DCAF8: variants seen among roughly 807,000 people sequenced by gnomAD.
DCAF8 encodes the protein DDB1 and CUL4 associated factor 8, also known as DDB1- and CUL4-associated factor 8.
A neutral mutation model predicts 68.0 loss-of-function variants in DCAF8; 20 were observed. That is an observed-to-expected ratio of 0.29 (90% CI 0.21 to 0.43). The LOEUF is 0.43. Among genes scored for constraint, DCAF8 ranks in the 20% least tolerant of loss-of-function variants. DCAF8 has a pLI of 1.00. For synonymous variants in DCAF8, 230 were observed against 276.9 expected (o/e 0.83, Z 1.68); for missense variants, 460 against 771.0 (o/e 0.60, Z 4.78).
At chr1:160,218,277 C>T in intron 13 of DCAF8, 47 bp downstream of exon 13, 2 of 1,510,814 alleles carry the variant, frequency 1.3e-6, no homozygotes, top group East Asian at 2.3e-5. Flanking sequence ...TTTTAGCCCT[C>T]TTAAAAGGGT....
rs1655675755 is a variant in DCAF8, at chr1:160,231,313, G to A, written c.1054C>T (p.Arg352Ter). 6.2e-7 allele frequency: 1 copy of A among 1,613,012 alleles called. No homozygotes were observed. Among genetic ancestry groups the A allele is most frequent in the African/African-American group, 1.3e-5 (1 of 74,890 alleles). Reference sequence around the variant, plus strand: ...CAAACTCACCTTACAAACTGATCTCGTCCACCCACTGCAAACTGGTGGGTA... The same window carrying A: ...CAAACTCACCTTACAAACTGATCTCATCCACCCACTGCAAACTGGTGGGTA... ...ANTHQFAVGGRDQFVRIYDQR... is the reference protein window; with the variant it reads ...ANTHQFAVGG The change falls in exon 7 of 14, where the codon CGA becomes TGA. Residue 352 changes from arginine to a stop codon, truncating the protein, a stop_gained. Coordinates refer to ENST00000368074, the MANE Select transcript of DCAF8 (RefSeq NM_015726.4). LOFTEE classifies it high-confidence loss of function.
intron 2 of DCAF8, among the ~76,000 whole-genome samples, chr1:160,247,869 C>T (rs935491950): frequency 2.6e-5 from 4 of 152,092 alleles, no homozygotes; most frequent in Non-Finnish European, 4.4e-5. Context: ...GAATCACAGA[C>T]CTAAATATAA....
At chr1:160,262,101 CA>C (rs2101783540) in intron 1 of DCAF8, 1 of 375,348 alleles carries the variant, frequency 2.7e-6, no homozygotes, top group Admixed American at 4.5e-5. Flanking sequence ...CTCTTGGGGG[CA>C]ACACCAGGGC....
At chr1:160,232,630 G>C (rs1292331978) in intron 6 of DCAF8, among the ~76,000 whole-genome samples, 1 of 149,024 alleles carries the variant, frequency 6.7e-6, no homozygotes, top group Non-Finnish European at 1.5e-5. Flanking sequence ...GGCAGAGGGA[G>C]ACTCTGTCTC....
intron 7 of DCAF8, among the ~76,000 whole-genome samples, chr1:160,226,702 C>T (rs920560625): frequency 6.6e-6 from 1 of 152,156 alleles, no homozygotes; most frequent in Non-Finnish European, 1.5e-5. Context: ...TTTTCTCCTT[C>T]CCCTTACAGT....
intron 4 of DCAF8, 141 bp from the exon 5 acceptor site, chr1:160,238,888 G>A: frequency 1.0e-6 from 1 of 988,784 alleles, no homozygotes; most frequent in Non-Finnish European, 1.4e-6. Flanking sequence ...CTCTTGTACA[G>A]CTGGCTAAGC....
chr1:160,260,126 C>T (rs1657028596), intron 2 of DCAF8, among the ~76,000 whole-genome samples: 1 of 150,740 alleles, frequency 6.6e-6, no homozygotes, highest in Non-Finnish European at 1.5e-5. Flanking sequence ...TGAGTGTGTA[C>T]CACGTGTTCT....
intron 2 of DCAF8, among the ~76,000 whole-genome samples, chr1:160,256,695 T>C (rs186811001): frequency 3.3e-5 from 5 of 152,356 alleles, no homozygotes; most frequent in Non-Finnish European, 5.9e-5. Flanking sequence ...AATGTTTGCA[T>C]TGACCCAATC....
chr1:160,254,409 CCTA>C (rs1656738200), intron 2 of DCAF8, among the ~76,000 whole-genome samples: 2 of 152,018 alleles, frequency 1.3e-5, no homozygotes, highest in African/African-American at 4.8e-5. Flanking sequence ...AGTTTGTATT[CCTA>C]CTGTCATTTG....
rs772719009 is a variant in DCAF8 at position 160,236,376 on chromosome 1, A to G, written c.959+759T>C. ...TACATATGTGTGTATATAAACATAT[A>G]TGTGTGTGTATATATGTGTACATGT... On this transcript the variant is annotated intron_variant, in intron 6 of 13. Transcript: ENST00000368074. Among the ~76,000 whole-genome samples the G allele has an allele frequency of 4.0e-5, 6 of 151,808 alleles. No homozygotes were observed. In the East Asian group the frequency reaches 5.8e-4, roughly 15 times the overall value.
At chr1:160,252,828 C>T (rs577542920) in intron 2 of DCAF8, among the ~76,000 whole-genome samples, 2 of 152,152 alleles carry the variant, frequency 1.3e-5, no homozygotes, top group African/African-American at 4.8e-5. Context: ...CTTAGTCTGG[C>T]GCCCAGAGAA....
intron 11 of DCAF8, chr1:160,219,239 T>C (rs1444695390): frequency 3.0e-6 from 1 of 335,802 alleles, no homozygotes; most frequent in African/African-American, 2.1e-5. Context: ...GGTGGGTGAG[T>C]GGACTGCCCA....
rs769320669 is a variant in DCAF8 at position 160,225,669 on chromosome 1, G to C, written c.1071-6C>G. 6.2e-7 allele frequency: 1 copy of C among 1,610,204 alleles called. No individual in the cohort carries two copies. The highest frequency in any genetic ancestry group is 8.5e-7 in the Non-Finnish European group (1 of 1,177,014). Reference sequence around the variant, plus strand: ...TTTTCCTCTGGTCATAAATCCTACAGTTGGAAAAGCAATGAAAATGTAAAA... The same window carrying C: ...TTTTCCTCTGGTCATAAATCCTACACTTGGAAAAGCAATGAAAATGTAAAA... On this transcript the variant is annotated splice_polypyrimidine_tract_variant and splice_region_variant and intron_variant, in intron 7 of 13. Transcript: ENST00000368074.
Position 160,240,035 on chromosome 1 carries a change from A to G in DCAF8, c.385T>C (p.Ser129Pro). 1 of 1,614,240 alleles carries G rather than the reference A, an allele frequency of 6.2e-7. No individual in the cohort carries two copies. The highest frequency in any genetic ancestry group is 8.5e-7 in the Non-Finnish European group (1 of 1,180,042). Reference sequence around the variant, plus strand: ...TCTAGGGCCCGCTCATCATCTGATGAGTCCTGGTCACGGTTAGCCCGCTTG... The same window carrying G: ...TCTAGGGCCCGCTCATCATCTGATGGGTCCTGGTCACGGTTAGCCCGCTTG... ...QRKRANRDQD[S>P]SDDERALEDW... Residue 129 changes from serine to proline, a missense_variant, in exon 4 of 14, where the codon TCA (serine) becomes CCA (proline). Ser to Pro is a moderately conservative substitution (Grantham distance 74). This residue lies in a region of DCAF8 where 156 missense variants were observed against 181.4 expected (regional missense o/e 0.86). Transcript: ENST00000368074.
Position 160,218,861 on chromosome 1 carries a change from T to C in DCAF8, c.1548A>G (p.Thr516=), listed in dbSNP as rs1655208146. The change falls in exon 12 of 14, where the codon ACA becomes ACG. Residue 516 remains threonine, a synonymous_variant. Coordinates refer to ENST00000368074, the MANE Select transcript of DCAF8 (RefSeq NM_015726.4). The part of the protein sequence containing the change: ...APTAEASTEL[T]GLKDVIKKNK... Reference sequence around the variant, plus strand: ...GTCAGCCACTTACATCTTTTAACCCTGTCAGCTCAGTGGAAGCTTCAGCTG... The same window carrying C: ...GTCAGCCACTTACATCTTTTAACCCCGTCAGCTCAGTGGAAGCTTCAGCTG... 6.2e-7 allele frequency: 1 copy of C among 1,614,228 alleles called. No individual in the cohort carries two copies. The highest frequency in any genetic ancestry group is 2.2e-5 in the East Asian group (1 of 44,880).
chr1:160,238,626 T>G lies in DCAF8; in HGVS notation c.845A>C (p.His282Pro). Residue 282 changes from histidine (H) to proline (P), a missense_variant, in exon 5 of 14, where the codon CAC becomes CCC. His to Pro is a moderately conservative substitution (Grantham distance 77). Coordinates refer to ENST00000368074, the MANE Select transcript of DCAF8 (RefSeq NM_015726.4). Reference sequence around the variant, plus strand: ...ACTTACCTTGTGGGACGCTCCCTTGTGCTGGGCCACACGTTTTGTATTCTT... The same window carrying G: ...ACTTACCTTGTGGGACGCTCCCTTGGGCTGGGCCACACGTTTTGTATTCTT... The part of the protein sequence containing the change: ...CCKNTKRVAQ[H>P]KGASHKLALE... 6.2e-7 allele frequency: 1 copy of G among 1,611,082 alleles called. No individual in the cohort carries two copies. The highest frequency in any genetic ancestry group is 1.3e-5 in the African/African-American group (1 of 74,836).
chr1:160,217,832 G>T (rs2101710653), intron 13 of DCAF8, 124 bp from the exon 14 acceptor site: 1 of 698,662 alleles, frequency 1.4e-6, no homozygotes. Flanking sequence ...AAGGGCCAGA[G>T]AGTAAATACT....
At chr1:160,253,836 A>G (rs1172452758) in intron 2 of DCAF8, among the ~76,000 whole-genome samples, 2 of 151,878 alleles carry the variant, frequency 1.3e-5, no homozygotes, top group Non-Finnish European at 2.9e-5. Flanking sequence ...AGAAAAACAA[A>G]CAAAAAAACC....
intron 2 of DCAF8, among the ~76,000 whole-genome samples, chr1:160,254,440 T>C (rs902086216): frequency 2.6e-5 from 4 of 152,186 alleles, no homozygotes; most frequent in Non-Finnish European, 5.9e-5. Context: ...TATATACATA[T>C]GTTTATAAGA....
Sources: allele counts gnomAD v4.1 joint callset (sites outside exome capture counted in the v4.1 genomes callset), GRCh38; gene constraint gnomAD v4.1.1; regional missense constraint gnomAD v4.1.1; transcripts MANE v1.5; gene names NCBI Gene and HGNC (gene_info 2026-07-23, HGNC 2026-07-21).